The following ANKRD55 variants were observed in gnomAD, a reference collection of about 807,000 sequenced individuals.
The protein encoded by ANKRD55 is ankyrin repeat domain 55.
ANKRD55 carries 41 observed loss-of-function variants against 60.6 expected under a neutral mutation model. The ratio of observed to expected loss-of-function variants is 0.68; its 90% confidence interval spans 0.53 to 0.88. ANKRD55 has a LOEUF of 0.88. ANKRD55 is among the 40% of genes least tolerant of loss of function. ANKRD55 has a pLI of 0.00. For synonymous variants in ANKRD55, 264 were observed against 290.3 expected (o/e 0.91, Z 0.92); for missense variants, 732 against 767.6 (o/e 0.95, Z 0.55).
intron 2 of ANKRD55, among the ~76,000 whole-genome samples, chr5:56,214,929 C>A (rs548344404): frequency 6.6e-6 from 1 of 152,272 alleles, no homozygotes; most frequent in East Asian, 1.9e-4. Context: ...ATAAAAGTGT[C>A]AATCTGGGTG....
intron 9 of ANKRD55, among the ~76,000 whole-genome samples, chr5:56,112,286 C>T (rs527728027): frequency 5.9e-5 from 9 of 151,948 alleles, no homozygotes; most frequent in East Asian, 3.9e-4. Context: ...AAACCTGGAC[C>T]GAGTGCTGAC....
At chr5:56,176,068 A>G in intron 4 of ANKRD55, 84 bp downstream of exon 4, 1 of 1,547,626 alleles carries the variant, frequency 6.5e-7, no homozygotes, top group African/African-American at 1.4e-5. Context: ...TAGATCCAAG[A>G]ATGCTCCTTT....
At chr5:56,205,174 C>T (rs1254906812) in intron 2 of ANKRD55, among the ~76,000 whole-genome samples, 2 of 152,178 alleles carry the variant, frequency 1.3e-5, no homozygotes, top group African/African-American at 2.4e-5. Flanking sequence ...CATTCTCCTG[C>T]CTCAGCCTCC....
At chr5:56,206,035 G>A (rs1759499361) in intron 2 of ANKRD55, among the ~76,000 whole-genome samples, 1 of 150,442 alleles carries the variant, frequency 6.6e-6, no homozygotes. Flanking sequence ...GAGTTTAGTG[G>A]TGCAATCACA....
intron 8 of ANKRD55, among the ~76,000 whole-genome samples, chr5:56,123,456 G>C (rs781750946): frequency 6.6e-6 from 1 of 152,182 alleles, no homozygotes. Flanking sequence ...TTTCAACACA[G>C]TGATCAATCA....
At chr5:56,136,268 A>G (rs1048275036) in intron 7 of ANKRD55, among the ~76,000 whole-genome samples, 4 of 152,230 alleles carry the variant, frequency 2.6e-5, no homozygotes, top group African/African-American at 9.6e-5. Context: ...CTGATTCCAC[A>G]GTTTATATGG....
At chr5:56,154,850 A>G (rs1017081991) in intron 6 of ANKRD55, among the ~76,000 whole-genome samples, 1 of 152,104 alleles carries the variant, frequency 6.6e-6, no homozygotes. Flanking sequence ...CAGTCTCCCA[A>G]AGTGCTGGGA....
At chr5:56,103,958 C>G (rs144865720) in intron 10 of ANKRD55, among the ~76,000 whole-genome samples, 211 of 152,310 alleles carry the variant, frequency 1.4e-3, no homozygotes, top group African/African-American at 4.8e-3. Flanking sequence ...GATTAAATCT[C>G]CAGTCTCCCT....
intron 2 of ANKRD55, among the ~76,000 whole-genome samples, chr5:56,218,111 G>A (rs1484371566): frequency 6.6e-6 from 1 of 152,158 alleles, no homozygotes; most frequent in Non-Finnish European, 1.5e-5. Flanking sequence ...AATGGATGAA[G>A]ATTTGCTTCT....
intron 8 of ANKRD55, among the ~76,000 whole-genome samples, chr5:56,122,228 C>T (rs1488644811): frequency 6.6e-6 from 1 of 152,154 alleles, no homozygotes; most frequent in Non-Finnish European, 1.5e-5. Flanking sequence ...TAGGCAGTTG[C>T]CAGCAGGAGA....
chr5:56,107,271 G>T (rs1199115239), intron 10 of ANKRD55, among the ~76,000 whole-genome samples: 1 of 152,032 alleles, frequency 6.6e-6, no homozygotes, highest in Non-Finnish European at 1.5e-5. Flanking sequence ...GCCTAGAATG[G>T]CTCCTAGTTA....
chr5:56,192,887 C>A (rs953394154), intron 2 of ANKRD55: 1 of 638,908 alleles, frequency 1.6e-6, no homozygotes, highest in Non-Finnish European at 2.8e-6. Flanking sequence ...ATGGGCCCAG[C>A]GTTGTCTAAA....
Position 56,143,848 on chromosome 5 carries a change from T to TG in ANKRD55, c.564dup (p.Thr189HisfsTer5), listed in dbSNP as rs1427965584. ...GTTTTAAAGTCTTTATCCACAAGGGTGGGGTCTGCCCCCTTCTTCAGCAGC... is the reference window on the plus strand; with the variant it reads ...GTTTTAAAGTCTTTATCCACAAGGGTGGGGGTCTGCCCCCTTCTTCAGCAGC... On this transcript the variant is annotated frameshift_variant, in exon 7 of 12. Transcript: ENST00000341048. LOFTEE classifies it high-confidence loss of function. The TG allele has an allele frequency of 6.2e-7, 1 of 1,614,094 alleles. No individual in the cohort carries two copies. The highest frequency in any genetic ancestry group is 8.5e-7 in the Non-Finnish European group (1 of 1,180,014).
At chr5:56,173,082 T>A (rs1015140011) in intron 4 of ANKRD55, among the ~76,000 whole-genome samples, 8 of 152,194 alleles carry the variant, frequency 5.3e-5, no homozygotes, top group African/African-American at 1.7e-4. Context: ...GCCAATGAAC[T>A]TTCTGGAAAA....
At chr5:56,176,382 A>C (rs1262762662) in intron 3 of ANKRD55, 100 bp from the exon 4 acceptor site, 19 of 1,389,344 alleles carry the variant, frequency 1.4e-5, no homozygotes, top group Non-Finnish European at 1.4e-5. Context: ...TTTGCAATAC[A>C]AACCCAGCTG....
rs202028816 is a variant in ANKRD55, at chr5:56,123,288, T to G, written c.797+3634A>C. Among the ~76,000 whole-genome samples, 17 of 152,232 alleles carry G rather than the reference T, an allele frequency of 1.1e-4. No homozygotes were observed. The East Asian group carries it at 3.3e-3, about 29-fold the overall frequency. ...AGAAGGGCTGGGTTGGGTATATCTG[T>G]GAACGGGGTTGGACATGAGTATTTG... is the stretch of plus-strand genomic sequence containing the variant. On this transcript the variant is annotated intron_variant, in intron 8 of 11. Coordinates refer to ENST00000341048, the MANE Select transcript of ANKRD55 (RefSeq NM_024669.3).
intron 2 of ANKRD55, among the ~76,000 whole-genome samples, chr5:56,220,359 A>AG (rs1759929050): frequency 6.6e-6 from 1 of 152,140 alleles, no homozygotes; most frequent in African/African-American, 2.4e-5. Context: ...AACCTGTCCT[A>AG]GGGGGTAAGA....
intron 8 of ANKRD55, among the ~76,000 whole-genome samples, chr5:56,124,003 T>C (rs933207655): frequency 4.6e-5 from 7 of 152,136 alleles, no homozygotes; most frequent in African/African-American, 1.7e-4. Context: ...GGCCGCTGAA[T>C]GGCAGGAGAT....
chr5:56,195,370 A>T (rs1309979693), intron 2 of ANKRD55, among the ~76,000 whole-genome samples: 1 of 152,180 alleles, frequency 6.6e-6, no homozygotes, highest in Non-Finnish European at 1.5e-5. Context: ...GGCACAAAAG[A>T]TTTACATTTC....
Sources: gnomAD v4.1 joint callset for allele counts (sites outside exome capture counted in the v4.1 genomes callset) on GRCh38, gnomAD v4.1.1 for gene constraint, MANE v1.5 for transcripts, NCBI Gene and HGNC (gene_info 2026-07-23, HGNC 2026-07-21) for gene names.